The following ZNF845 variants were observed in gnomAD, a reference collection of about 807,000 sequenced individuals.
ZNF845 encodes zinc finger protein 845.
A neutral mutation model predicts 76.1 loss-of-function variants in ZNF845; 59 were observed. That is an observed-to-expected ratio of 0.78 (90% CI 0.63 to 0.96). The LOEUF is 0.96. Among genes scored for constraint, ZNF845 ranks in the 40% least tolerant of loss-of-function variants. ZNF845 has a pLI of 0.00. For synonymous variants in ZNF845, 361 were observed against 386.9 expected (o/e 0.93, Z 0.78); for missense variants, 1,045 against 1,172.8 (o/e 0.89, Z 1.59).
At chr19:53,339,737 A>G (rs2085243057) in intron 1 of ZNF845, among the ~76,000 whole-genome samples, 1 of 152,244 alleles carries the variant, frequency 6.6e-6, no homozygotes, top group Non-Finnish European at 1.5e-5. Context: ...ACATACTAGT[A>G]TCACTCAGTC....
chr19:53,351,193 TG>T lies in ZNF845; in HGVS notation c.520del (p.Val174PhefsTer24). 6.2e-7 allele frequency: 1 copy of T among 1,614,238 alleles called. No homozygotes were observed. Among genetic ancestry groups the T allele is most frequent in the South Asian group, 1.1e-5 (1 of 91,084 alleles). The stretch of plus-strand genomic sequence containing the variant: ...GAGAAGTCTATCAACAGTGCTTCGT[TG>T]GTTTCAACATCCCAAAGAATTTCTT... ...QVEKSINSAS[L>X]VSTSQRISCR... On this transcript the variant is annotated frameshift_variant, in exon 4 of 4. Coordinates refer to ENST00000458035, the MANE Select transcript of ZNF845 (RefSeq NM_138374.3). LOFTEE classifies it high-confidence loss of function.
chr19:53,345,321 GAAA>G (rs200949602), intron 2 of ZNF845, among the ~76,000 whole-genome samples, 182 bp from the exon 3 acceptor site: 1 of 141,922 alleles, frequency 7.0e-6, no homozygotes, highest in African/African-American at 2.6e-5. Flanking sequence ...GTCTCAAAAA[GAAA>G]AAAAAAAAGA....
At chr19:53,342,714 C>T (rs374108679) in intron 2 of ZNF845, among the ~76,000 whole-genome samples, 2 of 152,026 alleles carry the variant, frequency 1.3e-5, no homozygotes, top group African/African-American at 2.4e-5. Context: ...AGGTTTGGGG[C>T]GCCATGTTCA....
In ZNF845 at chr19:53,356,689, G is replaced by GAAGGCC. The variant is rs2085388564; in HGVS notation, c.*3101_*3102insAAGGCC. 1.3e-5 allele frequency: 2 copies of GAAGGCC among 152,168 alleles called. No individual in the cohort carries two copies. The highest frequency in any genetic ancestry group is 4.8e-5 in the African/African-American group (2 of 41,430). 9.4% of individuals were successfully genotyped at this position (152,168 alleles called of 1,614,324 possible). A position where few individuals can be genotyped will look rare whatever the true frequency, so the allele number is the denominator to read the frequency against. Reference sequence around the variant, plus strand: ...TCACGCCTGTAATCCCAGCACTTTGGGAGGCTAAGGTGGGCGGATCACGAG... The same window carrying GAAGGCC: ...TCACGCCTGTAATCCCAGCACTTTGGAAGGCCGAGGCTAAGGTGGGCGGATCACGAG... On this transcript the variant is annotated 3_prime_UTR_variant, in exon 4 of 4. Coordinates refer to ENST00000458035, the MANE Select transcript of ZNF845 (RefSeq NM_138374.3).
chr19:53,337,902 T>C (rs1395589050), intron 1 of ZNF845, among the ~76,000 whole-genome samples: 2 of 152,116 alleles, frequency 1.3e-5, no homozygotes, highest in African/African-American at 4.8e-5. Flanking sequence ...GGTTTCACCT[T>C]GTTGGCCAGG....
At chr19:53,335,582 G>A (rs145267494) in intron 1 of ZNF845, among the ~76,000 whole-genome samples, 32 of 151,228 alleles carry the variant, frequency 2.1e-4, no homozygotes, top group African/African-American at 7.6e-4. Flanking sequence ...CTACATAGTC[G>A]TTTTTTGTTT....
chr19:53,337,379 T>C (rs1453676438), intron 1 of ZNF845, among the ~76,000 whole-genome samples: 2 of 152,102 alleles, frequency 1.3e-5, no homozygotes, highest in Non-Finnish European at 2.9e-5. Context: ...ACACTCTTTT[T>C]ATTTTATTTT....
At chr19:53,348,845 CA>C (rs2085313973) in intron 3 of ZNF845, among the ~76,000 whole-genome samples, 1 of 137,310 alleles carries the variant, frequency 7.3e-6, no homozygotes, top group Admixed American at 7.6e-5. Context: ...CATTGTTAGT[CA>C]ATTTTTTTTT....
chr19:53,351,984 A>G lies in ZNF845; in HGVS notation c.1309A>G (p.Lys437Glu), dbSNP rs754620004. ...VYHRRLHTGE[K>E]PYKCEECDEA... ...CCATCGTAGACTTCATACTGGAGAG[A>G]AACCTTACAAATGTGAAGAATGTGA... Residue 437 changes from lysine to glutamate, a missense_variant, in exon 4 of 4, where the codon AAA becomes GAA. Coordinates refer to ENST00000458035, the MANE Select transcript of ZNF845 (RefSeq NM_138374.3). 4 of 1,614,100 alleles carry G rather than the reference A, an allele frequency of 2.5e-6. No individual in the cohort carries two copies. Among genetic ancestry groups the G allele is most frequent in the Non-Finnish European group, 3.4e-6 (4 of 1,179,998 alleles).
intron 3 of ZNF845, among the ~76,000 whole-genome samples, chr19:53,350,033 C>A (rs1037868082): frequency 1.3e-5 from 2 of 152,140 alleles, no homozygotes; most frequent in African/African-American, 4.8e-5. Context: ...GAGACTTCAT[C>A]TCAAAAATAT....
In ZNF845 at chr19:53,337,811, C is replaced by A. The variant is rs546154810; in HGVS notation, c.-73-3424C>A. 1.4e-4 allele frequency among the ~76,000 whole-genome samples: 22 copies of A among 152,032 alleles called. No homozygotes were observed. In the South Asian group the frequency reaches 2.3e-3, roughly 16 times the overall value. On this transcript the variant is annotated intron_variant, in intron 1 of 3. Transcript: ENST00000458035. ...GAACTCCAGACCTTAAGTAATCCAC[C>A]TGCCTTGGCCTCCCAGAGTGCTAGG...
chr19:53,355,328 A>G lies in ZNF845; in HGVS notation c.*1740A>G, dbSNP rs1295292309. 1.3e-5 allele frequency: 2 copies of G among 151,540 alleles called. No homozygotes were observed. Among genetic ancestry groups the G allele is most frequent in the Non-Finnish European group, 2.9e-5 (2 of 67,882 alleles). 9.4% of individuals were successfully genotyped at this position (151,540 alleles called of 1,614,324 possible). A position where few individuals can be genotyped will look rare whatever the true frequency, so the allele number is the denominator to read the frequency against. ...CGTGGAATGATCTTTGCTCACTGCAACCTCTGTCTCCCACGTCCAAGCAAT... is the reference window on the plus strand; with the variant it reads ...CGTGGAATGATCTTTGCTCACTGCAGCCTCTGTCTCCCACGTCCAAGCAAT... On this transcript the variant is annotated 3_prime_UTR_variant, in exon 4 of 4. Coordinates refer to ENST00000458035, the MANE Select transcript of ZNF845 (RefSeq NM_138374.3).
chr19:53,338,198 A>G (rs2085229440), intron 1 of ZNF845, among the ~76,000 whole-genome samples: 1 of 152,024 alleles, frequency 6.6e-6, no homozygotes, highest in Non-Finnish European at 1.5e-5. Context: ...GGAAATTTCA[A>G]TTCTAATTGA....
chr19:53,336,490 G>A (rs1159050904), intron 1 of ZNF845, among the ~76,000 whole-genome samples: 4 of 152,032 alleles, frequency 2.6e-5, no homozygotes, highest in Non-Finnish European at 4.4e-5. Flanking sequence ...AGCCTGGGGG[G>A]CAGAGCGAGG....
At chr19:53,349,778 A>G (rs1049945930) in intron 3 of ZNF845, among the ~76,000 whole-genome samples, 2 of 152,126 alleles carry the variant, frequency 1.3e-5, no homozygotes, top group African/African-American at 4.8e-5. Context: ...GCTCACACTT[A>G]TAATCCCAGG....
chr19:53,339,094 A>G (rs945480438), intron 1 of ZNF845, among the ~76,000 whole-genome samples: 1 of 152,138 alleles, frequency 6.6e-6, no homozygotes. Context: ...GCAAGACTCC[A>G]TCTCTAAATA....
chr19:53,334,151 C>T (rs2085195866), intron 1 of ZNF845, among the ~76,000 whole-genome samples: 1 of 152,218 alleles, frequency 6.6e-6, no homozygotes, highest in Non-Finnish European at 1.5e-5. Flanking sequence ...GCCGTCGCCC[C>T]CCACCTCCCT....
At chr19:53,347,934 A>T (rs2085308081) in intron 3 of ZNF845, among the ~76,000 whole-genome samples, 1 of 152,228 alleles carries the variant, frequency 6.6e-6, no homozygotes, top group South Asian at 2.1e-4. Context: ...TCACGCCTGT[A>T]ATCCCAGTTC....
At chr19:53,343,358 A>C (rs1459873944) in intron 2 of ZNF845, among the ~76,000 whole-genome samples, 1 of 152,150 alleles carries the variant, frequency 6.6e-6, no homozygotes, top group Admixed American at 6.6e-5. Context: ...TCCCTGTATA[A>C]AGAGTGCCAT....
Sources: gnomAD v4.1 joint callset for allele counts (sites outside exome capture counted in the v4.1 genomes callset) on GRCh38, gnomAD v4.1.1 for gene constraint, MANE v1.5 for transcripts, NCBI Gene and HGNC (gene_info 2026-07-23, HGNC 2026-07-21) for gene names.